The following RTN4IP1 variants were observed in gnomAD, a reference collection of about 807,000 sequenced individuals.
The protein encoded by RTN4IP1 is NAD(P)H oxidoreductase RTN4IP1, mitochondrial.
In RTN4IP1, 32 loss-of-function variants were observed where a neutral mutation model predicts 46.6. The observed-to-expected ratio is 0.69, with a 90% confidence interval of 0.52 to 0.92. RTN4IP1 has a LOEUF of 0.92. RTN4IP1 is among the 40% of genes least tolerant of loss of function. The pLI, the probability that RTN4IP1 is intolerant of heterozygous loss-of-function variation, is 0.00. For synonymous variants in RTN4IP1, 167 were observed against 161.8 expected (o/e 1.03, Z -0.24); for missense variants, 424 against 485.8 (o/e 0.87, Z 1.20).
intron 1 of RTN4IP1, among the ~76,000 whole-genome samples, chr6:106,623,564 T>A (rs1582393262): frequency 6.6e-6 from 1 of 152,232 alleles, no homozygotes; most frequent in East Asian, 1.9e-4. Flanking sequence ...ATCAACCTTA[T>A]AATTTTTTGC....
At chr6:106,627,672 C>T (rs2114688359) in intron 1 of RTN4IP1, among the ~76,000 whole-genome samples, 1 of 143,420 alleles carries the variant, frequency 7.0e-6, no homozygotes, top group African/African-American at 2.6e-5. Context: ...CTGGTAGTAG[C>T]AATTACTACT....
At chr6:106,582,180 A>G (rs921131639) in intron 8 of RTN4IP1, among the ~76,000 whole-genome samples, 2 of 152,238 alleles carry the variant, frequency 1.3e-5, no homozygotes, top group African/African-American at 4.8e-5. Context: ...AAAACCTTAA[A>G]TACATAAAAA....
chr6:106,580,213 C>CAA (rs746909333), intron 8 of RTN4IP1, among the ~76,000 whole-genome samples: 12,297 of 68,918 alleles, frequency 0.18, 901 homozygotes, highest in African/African-American at 0.22. Flanking sequence ...GACTCTGTCT[C>CAA]AAAAAAAAAA....
intron 5 of RTN4IP1, among the ~76,000 whole-genome samples, chr6:106,596,334 G>A (rs1775790897): frequency 6.6e-6 from 1 of 152,144 alleles, no homozygotes; most frequent in African/African-American, 2.4e-5. Flanking sequence ...CAAAATCCCA[G>A]CACTTTGGGA....
At chr6:106,594,381 T>C (rs899322684) in intron 5 of RTN4IP1, among the ~76,000 whole-genome samples, 1 of 152,024 alleles carries the variant, frequency 6.6e-6, no homozygotes, top group African/African-American at 2.4e-5. Flanking sequence ...TGGTGATGCA[T>C]GCCTGTGGTC....
chr6:106,624,104 G>A (rs192451629), intron 1 of RTN4IP1, among the ~76,000 whole-genome samples: 2 of 152,212 alleles, frequency 1.3e-5, no homozygotes, highest in East Asian at 1.9e-4. Context: ...TCATGAGGCT[G>A]GAGTGCAGTG....
At chr6:106,615,702 G>A (rs1216935205) in intron 4 of RTN4IP1, among the ~76,000 whole-genome samples, 5 of 152,040 alleles carry the variant, frequency 3.3e-5, no homozygotes. Flanking sequence ...TGAATTTCAG[G>A]CAGAGCATGA....
chr6:106,579,632 A>G (rs1017009099), intron 8 of RTN4IP1, among the ~76,000 whole-genome samples: 5 of 152,122 alleles, frequency 3.3e-5, no homozygotes, highest in African/African-American at 1.2e-4. Flanking sequence ...TTGTTCATAA[A>G]GAAGGTAGAA....
chr6:106,628,901 T>C lies in RTN4IP1; in HGVS notation c.121A>G (p.Thr41Ala). 1 of 1,614,160 alleles carries C rather than the reference T, an allele frequency of 6.2e-7. No homozygotes were observed. The highest frequency in any genetic ancestry group is 1.3e-5 in the African/African-American group (1 of 75,050). Reference protein sequence around the residue: ...RRISTTSPRSTVMPAWVIDKY... With the variant: ...RRISTTSPRSAVMPAWVIDKY... Reference sequence around the variant, plus strand: ...TCTATCACCCAAGCAGGCATGACAGTGCTCCTAGGAGAGGTAGTACTAATC... The same window carrying C: ...TCTATCACCCAAGCAGGCATGACAGCGCTCCTAGGAGAGGTAGTACTAATC... Residue 41 changes from threonine (T) to alanine (A), a missense_variant, in exon 1 of 9, where the codon ACT becomes GCT. Physicochemically the swap from Thr to Ala is moderately conservative, Grantham distance 58 (BLOSUM62 0). Transcript: ENST00000369063.
intron 6 of RTN4IP1, among the ~76,000 whole-genome samples, chr6:106,588,408 A>G (rs1437682538): frequency 6.6e-6 from 1 of 152,216 alleles, no homozygotes; most frequent in Non-Finnish European, 1.5e-5. Context: ...ACAGTCAGAA[A>G]TGCTCATGGA....
Position 106,629,058 on chromosome 6 carries a change from T to C in RTN4IP1, c.-37A>G, listed in dbSNP as rs1776737211. The C allele has an allele frequency of 6.3e-7, 1 of 1,579,168 alleles. No individual in the cohort carries two copies. The highest frequency in any genetic ancestry group is 2.2e-5 in the East Asian group (1 of 44,524). On this transcript the variant is annotated 5_prime_UTR_variant, in exon 1 of 9. Coordinates refer to ENST00000369063, the MANE Select transcript of RTN4IP1 (RefSeq NM_032730.5). ...GTTGAACTGCGTGCTCAAATTCAAATACACTTGGACTGGATCAAACTCTCA... is the reference window on the plus strand; with the variant it reads ...GTTGAACTGCGTGCTCAAATTCAAACACACTTGGACTGGATCAAACTCTCA...
intron 2 of RTN4IP1, among the ~76,000 whole-genome samples, chr6:106,622,500 T>C (rs760956830): frequency 5.9e-5 from 9 of 152,174 alleles, no homozygotes; most frequent in Non-Finnish European, 1.3e-4. Context: ...AAATAGTTTG[T>C]TTACTCAAGT....
chr6:106,625,824 T>C (rs190806369), intron 1 of RTN4IP1, among the ~76,000 whole-genome samples: 22 of 151,956 alleles, frequency 1.4e-4, no homozygotes, highest in African/African-American at 5.1e-4. Context: ...CCACCACGCC[T>C]GGCTAATTTT....
At chr6:106,587,498 C>T (rs561422470) in intron 7 of RTN4IP1, among the ~76,000 whole-genome samples, 181 bp downstream of exon 7, 253 of 152,322 alleles carry the variant, frequency 1.7e-3, no homozygotes, top group Non-Finnish European at 2.9e-3. Context: ...GTAACTTGCA[C>T]AGGGTTACAC....
At chr6:106,598,164 A>G (rs906507258) in intron 5 of RTN4IP1, among the ~76,000 whole-genome samples, 65 of 152,198 alleles carry the variant, frequency 4.3e-4, no homozygotes, top group Middle Eastern at 3.4e-3. Flanking sequence ...ATACGTGTGC[A>G]TGTGTCTTTA....
chr6:106,626,488 G>A (rs2114686979), intron 1 of RTN4IP1, among the ~76,000 whole-genome samples: 1 of 152,328 alleles, frequency 6.6e-6, no homozygotes, highest in African/African-American at 2.4e-5. Flanking sequence ...AACAGAAGTG[G>A]ACATTTAGTC....
At chr6:106,605,814 CCCAAAAAAAAAAAA>C (rs1776053071) in intron 4 of RTN4IP1, among the ~76,000 whole-genome samples, 4 of 96,704 alleles carry the variant, frequency 4.1e-5, no homozygotes, top group East Asian at 3.4e-4. Context: ...AAGACTCTGT[CCCAAAAAAAAAAAA>C]AAAAAAAAAA....
chr6:106,621,886 G>A (rs1776494009), intron 2 of RTN4IP1, among the ~76,000 whole-genome samples: 1 of 152,136 alleles, frequency 6.6e-6, no homozygotes, highest in African/African-American at 2.4e-5. Context: ...TTTATAAAAA[G>A]CAACCAGAAC....
chr6:106,604,812 T>C (rs1280602906), intron 4 of RTN4IP1, among the ~76,000 whole-genome samples: 3 of 152,120 alleles, frequency 2.0e-5, no homozygotes, highest in Non-Finnish European at 2.9e-5. Flanking sequence ...CATCACCCAT[T>C]TGGCCCTTCT....
Sources: allele counts gnomAD v4.1 joint callset (sites outside exome capture counted in the v4.1 genomes callset), GRCh38; gene constraint gnomAD v4.1.1; transcripts MANE v1.5; gene names NCBI Gene and HGNC (gene_info 2026-07-23, HGNC 2026-07-21).